The following BCAN variants were observed in gnomAD, a reference collection of about 807,000 sequenced individuals.
BCAN encodes the protein brevican.
In BCAN, 51 loss-of-function variants were observed where a neutral mutation model predicts 92.4. The observed-to-expected ratio is 0.55, with a 90% confidence interval of 0.44 to 0.70. BCAN has a LOEUF of 0.70. Among genes scored for constraint, BCAN ranks in the 30% least tolerant of loss-of-function variants. The pLI, the probability that BCAN is intolerant of heterozygous loss-of-function variation, is 0.00. For synonymous variants in BCAN, 501 were observed against 505.2 expected, an observed-to-expected ratio of 0.99 and a Z score of 0.11; for missense variants, 1,140 against 1,212.1, an observed-to-expected ratio of 0.94 and a Z score of 0.88.
chr1:156,647,949 A>AT lies in BCAN; in HGVS notation c.642-33dup, dbSNP rs988515639. On this transcript the variant is annotated intron_variant, in intron 4 of 13. Coordinates refer to ENST00000329117, the MANE Select transcript of BCAN (RefSeq NM_021948.5). This position sits in a 1 kb window ranked among gnomAD's most constrained non-coding sequence, Gnocchi z 4.8. ...TATGGGCTGGCTCCCTGGTGAAAGCATCTGTACTAAGTGATTCTGTCCTTC... is the reference window on the plus strand; with the variant it reads ...TATGGGCTGGCTCCCTGGTGAAAGCATTCTGTACTAAGTGATTCTGTCCTTC... 4 of 1,609,982 alleles carry AT rather than the reference A, an allele frequency of 2.5e-6. No homozygotes were observed. In the African/African-American group the frequency reaches 5.3e-5, roughly 22 times the overall value.
chr1:156,649,786 C>CG, intron 6 of BCAN: 1 of 483,876 alleles, frequency 2.1e-6, no homozygotes, highest in Non-Finnish European at 4.1e-6. Flanking sequence ...CAAGGGTGAC[C>CG]GACAATAAGA....
chr1:156,651,003 A>G (rs1679142937), intron 6 of BCAN, among the ~76,000 whole-genome samples: 1 of 152,210 alleles, frequency 6.6e-6, no homozygotes, highest in Non-Finnish European at 1.5e-5. Context: ...GCCCAAGATC[A>G]CAAGGTGGTA....
chr1:156,658,686 A>G lies in BCAN; in HGVS notation c.2581A>G (p.Asn861Asp), dbSNP rs1679424995. ...TCTGCCGCTGATCCGATGCCAAGAG[A>G]ACGGTCGTTGGGAGGCCCCCCAGAT... Reference protein sequence around the residue: ...RNLPLIRCQENGRWEAPQISC... With the variant: ...RNLPLIRCQEDGRWEAPQISC... Residue 861 changes from asparagine to aspartate, a missense_variant, in exon 13 of 14, where the codon AAC (asparagine) becomes GAC (aspartate). Around this residue, in one of 3 missense-constraint regions of BCAN, gnomAD observed 825 missense variants for 871.8 expected, o/e 0.95. Transcript: ENST00000329117. This position sits in a 1 kb window ranked among gnomAD's most constrained non-coding sequence, Gnocchi z 4.4. 1 of 1,614,016 alleles carries G rather than the reference A, an allele frequency of 6.2e-7. No homozygotes were observed. The highest frequency in any genetic ancestry group is 8.5e-7 in the Non-Finnish European group (1 of 1,180,042).
chr1:156,643,609 T>TACACACACAC (rs533005931), intron 1 of BCAN: 2 of 132,228 alleles, frequency 1.5e-5, no homozygotes, highest in African/African-American at 5.9e-5. Flanking sequence ...CGTGCATGCC[T>TACACACACAC]ACACACACAC....
intron 9 of BCAN, 57 bp downstream of exon 9, chr1:156,656,446 A>C: frequency 8.1e-7 from 1 of 1,233,324 alleles, no homozygotes; most frequent in African/African-American, 1.6e-5. Flanking sequence ...ACAACGTGCT[A>C]CTTCTGGAGG....
In BCAN at chr1:156,651,653, C is replaced by G. The variant is rs1179679152; in HGVS notation, c.1261C>G (p.Pro421Ala). 6.2e-7 allele frequency: 1 copy of G among 1,613,428 alleles called. No individual in the cohort carries two copies. The highest frequency in any genetic ancestry group is 1.7e-5 in the Admixed American group (1 of 60,012). Residue 421 changes from proline (P) to alanine (A), a missense_variant, in exon 7 of 14, where the codon CCA (proline) becomes GCA (alanine). This residue lies in a region of BCAN where 825 missense variants were observed against 871.8 expected (regional missense o/e 0.95). Transcript: ENST00000329117. The stretch of plus-strand genomic sequence containing the variant: ...GGACGGAGGAGGTGGAAGCTCCACT[C>G]CAGAAGACCCAGCAGAGGCCCCTAG... ...MEDGGGGSSTPEDPAEAPRTL... is the reference protein window; with the variant it reads ...MEDGGGGSSTAEDPAEAPRTL...
Position 156,646,255 on chromosome 1 carries a change from G to A in BCAN, c.91+110G>A, listed in dbSNP as rs561666779. 58 of 1,018,390 alleles carry A rather than the reference G, an allele frequency of 5.7e-5. No individual in the cohort carries two copies. The African/African-American group carries it at 5.9e-4, about 10-fold the overall frequency. The allele number at this position is 1,018,390 out of a possible 1,614,324, so 63.1% of individuals were successfully genotyped here. ...GAGAATTGGAGGGCTGTGGGGAAGCGTCCAGGCTGGAACACTTGGAAATAA... is the reference window on the plus strand; with the variant it reads ...GAGAATTGGAGGGCTGTGGGGAAGCATCCAGGCTGGAACACTTGGAAATAA... On this transcript the variant is annotated intron_variant, in intron 2 of 13. Coordinates refer to ENST00000329117, the MANE Select transcript of BCAN (RefSeq NM_021948.5).
chr1:156,653,571 GTC>G, intron 8 of BCAN: 1 of 970,566 alleles, frequency 1.0e-6, no homozygotes, highest in Non-Finnish European at 1.2e-6. Flanking sequence ...CTGGCTCCAT[GTC>G]TCTCCCTGTC....
chr1:156,650,126 G>A (rs1450573775), intron 6 of BCAN, among the ~76,000 whole-genome samples: 1 of 147,604 alleles, frequency 6.8e-6, no homozygotes, highest in Non-Finnish European at 1.5e-5. Context: ...TGGAACAGGG[G>A]TAGTAGTAGT....
chr1:156,642,166 T>C lies in BCAN; in HGVS notation c.-118T>C, dbSNP rs932776698. The C allele has an allele frequency of 6.6e-6, 1 of 152,252 alleles. No homozygotes were observed. Among genetic ancestry groups the C allele is most frequent in the African/African-American group, 2.4e-5 (1 of 41,438 alleles). 9.4% of individuals were successfully genotyped at this position (152,252 alleles called of 1,614,324 possible). A position where few individuals can be genotyped will look rare whatever the true frequency, so the allele number is the denominator to read the frequency against. On this transcript the variant is annotated 5_prime_UTR_variant, in exon 1 of 14. Transcript: ENST00000329117. This position sits in a 1 kb window ranked among gnomAD's most constrained non-coding sequence, Gnocchi z 4.2. The stretch of plus-strand genomic sequence containing the variant: ...AGCCTCTCCTCACGCTCGCGCAGTC[T>C]CCGCCGCAGTCTCAGCTGCAGCTGC...
In BCAN at chr1:156,652,819, C is replaced by T. The variant is rs746606462; in HGVS notation, c.1869C>T (p.Thr623=). Reference sequence around the variant, plus strand: ...CTGGAAGAACTGCCCCAGCAGGGACCTCAGTGCAGGCCCAGCCAGTGCTGC... The same window carrying T: ...CTGGAAGAACTGCCCCAGCAGGGACTTCAGTGCAGGCCCAGCCAGTGCTGC... The part of the protein sequence containing the change: ...DNSGRTAPAG[T]SVQAQPVLPT... The change falls in exon 8 of 14, where the codon ACC becomes ACT. Residue 623 remains threonine, a synonymous_variant. Coordinates refer to ENST00000329117, the MANE Select transcript of BCAN (RefSeq NM_021948.5). The T allele has an allele frequency of 1.2e-6, 2 of 1,613,872 alleles. No homozygotes were observed. Among genetic ancestry groups the T allele is most frequent in the South Asian group, 1.1e-5 (1 of 91,074 alleles).
intron 10 of BCAN, chr1:156,657,472 T>C (rs1036840103): frequency 1.1e-5 from 6 of 560,358 alleles, no homozygotes; most frequent in African/African-American, 1.9e-5. Context: ...CTAGCCTGGG[T>C]TGATATCTTC....
At chr1:156,655,773 G>A (rs1679303009) in intron 8 of BCAN, among the ~76,000 whole-genome samples, 1 of 152,172 alleles carries the variant, frequency 6.6e-6, no homozygotes, top group Admixed American at 6.5e-5. Flanking sequence ...TGTTGCTGCG[G>A]TAATCCTTCT....
chr1:156,651,570 C>T lies in BCAN; in HGVS notation c.1178C>T (p.Pro393Leu). Residue 393 changes from proline (P) to leucine (L), a missense_variant, in exon 7 of 14, where the codon CCT (proline) becomes CTT (leucine). By Grantham distance (98) the Pro-to-Leu change is moderately conservative. Transcript: ENST00000329117. ...GAGACCCTGGAGGAACTGCAGCTGC[C>T]TCAGGAAGCCACAGAGAGTGAATCC... ...VTETLEELQL[P>L]QEATESESRG... is the part of the protein sequence containing the mutation. 6.2e-7 allele frequency: 1 copy of T among 1,613,972 alleles called. No homozygotes were observed. The highest frequency in any genetic ancestry group is 8.5e-7 in the Non-Finnish European group (1 of 1,180,008).
rs143675727 is a variant in BCAN, at chr1:156,658,562, G to A, written c.2457G>A (p.Pro819=). The change falls in exon 13 of 14, where the codon CCG becomes CCA. Residue 819 remains proline, a synonymous_variant. Coordinates refer to ENST00000329117, the MANE Select transcript of BCAN (RefSeq NM_021948.5). This position sits in a 1 kb window ranked among gnomAD's most constrained non-coding sequence, Gnocchi z 4.4. ...TTGCAGTGTCCTGTGGGCCGCCACC[G>A]GAGCTGCCCCTGGCTCAAGTGTTCG... ...KMGLVSCGPP[P]ELPLAQVFGR... 4.5e-5 allele frequency: 73 copies of A among 1,613,840 alleles called. No homozygotes were observed. Among genetic ancestry groups the A allele is most frequent in the South Asian group, 1.5e-4 (14 of 91,062 alleles).
intron 10 of BCAN, 43 bp downstream of exon 10, chr1:156,657,139 C>G (rs757165737): frequency 3.1e-6 from 5 of 1,591,328 alleles, no homozygotes; most frequent in South Asian, 1.1e-5. Context: ...GCCATATGCT[C>G]TCACTCTCTC....
In BCAN at chr1:156,658,079, C is replaced by T. The variant is rs1679397274; in HGVS notation, c.2293-48C>T. 3.1e-6 allele frequency: 5 copies of T among 1,596,274 alleles called. No individual in the cohort carries two copies. Among genetic ancestry groups the T allele is most frequent in the South Asian group, 1.1e-5 (1 of 87,752 alleles). ...TCCCCAGATCCTCTAGGCCCTCTCC[C>T]GGTGCTCCTGGTGTAGGAGCTCCTC... On this transcript the variant is annotated intron_variant, in intron 11 of 13. Coordinates refer to ENST00000329117, the MANE Select transcript of BCAN (RefSeq NM_021948.5). This position sits in a 1 kb window ranked among gnomAD's most constrained non-coding sequence, Gnocchi z 4.4.
intron 2 of BCAN, 176 bp from the exon 3 acceptor site, chr1:156,646,625 G>C (rs1304229825): frequency 4.6e-6 from 5 of 1,091,216 alleles, no homozygotes; most frequent in Non-Finnish European, 6.3e-6. Context: ...GGTGGTCCTG[G>C]AGGACCTAGA....
Position 156,654,759 on chromosome 1 carries a change from A to G in BCAN, c.1943-1523A>G, listed in dbSNP as rs148510783. Reference sequence around the variant, plus strand: ...TGTGAGGAGTGGGAGGGGAGTTCAGAATTCTACCCTCTGTGGGGCCTGGTG... The same window carrying G: ...TGTGAGGAGTGGGAGGGGAGTTCAGGATTCTACCCTCTGTGGGGCCTGGTG... On this transcript the variant is annotated intron_variant, in intron 8 of 13. Coordinates refer to ENST00000329117, the MANE Select transcript of BCAN (RefSeq NM_021948.5). Among the ~76,000 whole-genome samples, 5 of 152,272 alleles carry G rather than the reference A, an allele frequency of 3.3e-5. No individual in the cohort carries two copies. The East Asian group carries it at 7.7e-4, about 23-fold the overall frequency.
Sources: allele counts gnomAD v4.1 joint callset (sites outside exome capture counted in the v4.1 genomes callset), GRCh38; gene constraint gnomAD v4.1.1; regional missense constraint gnomAD v4.1.1; non-coding constraint Gnocchi (gnomAD v3.1); transcripts MANE v1.5; gene names NCBI Gene and HGNC (gene_info 2026-07-23, HGNC 2026-07-21).